Variants in ATP11A observed in about 807,000 individuals in gnomAD.
ATP11A encodes the protein ATPase phospholipid transporting 11A, also known as phospholipid-transporting ATPase IH.
In ATP11A, 81 loss-of-function variants were observed where a neutral mutation model predicts 154.4. That is an observed-to-expected ratio of 0.52 (90% CI 0.44 to 0.63). The LOEUF (loss-of-function observed/expected upper bound fraction) is 0.63. Ranked by LOEUF, ATP11A falls within the 30% of genes least tolerant of loss-of-function variation. ATP11A has a pLI of 0.00. For synonymous variants in ATP11A, 623 were observed against 585.9 expected (o/e 1.06, Z -0.91); for missense variants, 1,316 against 1,474.3 (o/e 0.89, Z 1.76).
chr13:112,711,922 G>A (rs1887802988), intron 1 of ATP11A, among the ~76,000 whole-genome samples: 1 of 152,184 alleles, frequency 6.6e-6, no homozygotes. Context: ...ATAAGGAGCG[G>A]GTGGAGGGGA....
intron 8 of ATP11A, 42 bp from the exon 9 acceptor site, chr13:112,823,303 G>A (rs1566532756): frequency 1.3e-6 from 2 of 1,555,948 alleles, no homozygotes; most frequent in Non-Finnish European, 1.8e-6. Flanking sequence ...CTGCCCACTT[G>A]CCTTCGTGTC....
chr13:112,738,727 C>T (rs973065027), intron 1 of ATP11A, among the ~76,000 whole-genome samples: 2 of 151,760 alleles, frequency 1.3e-5, no homozygotes, highest in Non-Finnish European at 2.9e-5. Flanking sequence ...CGTCCCCCTC[C>T]TCCTCCCCCA....
At chr13:112,698,596 C>T (rs967729001) in intron 1 of ATP11A, among the ~76,000 whole-genome samples, 4 of 152,190 alleles carry the variant, frequency 2.6e-5, no homozygotes, top group South Asian at 4.2e-4. Context: ...GGCTGGGAGT[C>T]AAGAGATGGA....
chr13:112,761,150 G>A (rs1271864787), intron 1 of ATP11A, among the ~76,000 whole-genome samples: 1 of 152,092 alleles, frequency 6.6e-6, no homozygotes, highest in African/African-American at 2.4e-5. Flanking sequence ...TATCAGATCC[G>A]TGGTCCAGGG....
chr13:112,805,330 G>C (rs1191999370), intron 3 of ATP11A, among the ~76,000 whole-genome samples: 1 of 152,130 alleles, frequency 6.6e-6, no homozygotes, highest in South Asian at 2.1e-4. Context: ...TCATCATTTG[G>C]ACAAGTTCAC....
Position 112,859,602 on chromosome 13 carries a change from A to C in ATP11A, c.2727+150A>C. The C allele has an allele frequency of 1.9e-6, 1 of 514,342 alleles. No homozygotes were observed. The allele number at this position is 514,342 out of a possible 1,614,324, so 31.9% of individuals were successfully genotyped here. ...GGTGCCCAGCAGCAGGCGGGGGTGA[A>C]GGGTCGGGCCTGGGGAGGGGGGCCA... On this transcript the variant is annotated intron_variant, in intron 23 of 29. Coordinates refer to ENST00000375645, the MANE Select transcript of ATP11A (RefSeq NM_015205.3). This position sits in a 1 kb window ranked among gnomAD's most constrained non-coding sequence, Gnocchi z 4.3.
intron 1 of ATP11A, among the ~76,000 whole-genome samples, chr13:112,784,526 CTTTT>C (rs535110994): frequency 7.1e-6 from 1 of 140,804 alleles, no homozygotes; most frequent in Admixed American, 7.2e-5. Flanking sequence ...ACGTTCTGTT[CTTTT>C]TTTTTTTTTT....
intron 28 of ATP11A, 142 bp from the exon 29 acceptor site, chr13:112,878,075 G>A (rs1485843265): frequency 2.7e-6 from 2 of 754,422 alleles, no homozygotes; most frequent in African/African-American, 1.7e-5. Context: ...ACTTGCACGT[G>A]GTGGCGAGCC....
At chr13:112,791,254 C>T (rs2077846816) in intron 2 of ATP11A, among the ~76,000 whole-genome samples, 2 of 152,368 alleles carry the variant, frequency 1.3e-5, no homozygotes. Flanking sequence ...GGCAGGATTC[C>T]AGGATATGGG....
chr13:112,790,397 C>T (rs1040330653), intron 2 of ATP11A, among the ~76,000 whole-genome samples: 6 of 151,598 alleles, frequency 4.0e-5, no homozygotes, highest in African/African-American at 1.2e-4. Flanking sequence ...TAATTCACAC[C>T]GGGTGTCCTG....
intron 25 of ATP11A, among the ~76,000 whole-genome samples, chr13:112,865,451 C>T (rs560341015): frequency 6.6e-5 from 10 of 152,378 alleles, no homozygotes; most frequent in African/African-American, 2.4e-4. Flanking sequence ...CAGCGGGGTC[C>T]ATCACCACAT....
At chr13:112,853,397 T>A (rs1336242315) in intron 18 of ATP11A, among the ~76,000 whole-genome samples, 1 of 152,214 alleles carries the variant, frequency 6.6e-6, no homozygotes, top group Non-Finnish European at 1.5e-5. Context: ...GCTAGGAAGT[T>A]CTTCCCAAAA....
chr13:112,691,483 G>GTGTGTGT (rs111354648), intron 1 of ATP11A, among the ~76,000 whole-genome samples: 87 of 125,142 alleles, frequency 7.0e-4, no homozygotes, highest in Non-Finnish European at 1.1e-3. Flanking sequence ...AAAAAAAAAG[G>GTGTGTGT]GTGTGTGTGT....
Position 112,828,990 on chromosome 13 carries a change from C to T in ATP11A, c.1221+2099C>T, listed in dbSNP as rs74338221. 3.1e-3 allele frequency among the ~76,000 whole-genome samples: 479 copies of T among 152,358 alleles called. 1 individual carries two copies. Among genetic ancestry groups the T allele is most frequent in the Non-Finnish European group, 5.5e-3 (377 of 68,034 alleles). On this transcript the variant is annotated intron_variant, in intron 12 of 29. Transcript: ENST00000375645. Reference sequence around the variant, plus strand: ...TGGAGATCCTGTGCCAGAAGCACTTCGTGCACCTTCTCTGTGTCCTGTGCA... The same window carrying T: ...TGGAGATCCTGTGCCAGAAGCACTTTGTGCACCTTCTCTGTGTCCTGTGCA...
At chr13:112,814,293 C>T (rs1257179829) in intron 5 of ATP11A, among the ~76,000 whole-genome samples, 3 of 151,846 alleles carry the variant, frequency 2.0e-5, no homozygotes, top group Admixed American at 6.5e-5. Context: ...GAACTGCTGG[C>T]GTCAAGTGAT....
At position 112,886,242 on chromosome 13, in the gene ATP11A, G is replaced by C. The variant is rs2140466079; in HGVS notation, c.*4376G>C. The stretch of plus-strand genomic sequence containing the variant: ...GGTGACCATCCGCTCGGCTTGCTGA[G>C]CGTTTAAACAAATGTTTAGACAGGC... On this transcript the variant is annotated 3_prime_UTR_variant, in exon 30 of 30. Transcript: ENST00000375645. 1 of 152,108 alleles carries C rather than the reference G, an allele frequency of 6.6e-6. No homozygotes were observed. The highest frequency in any genetic ancestry group is 2.1e-4 in the South Asian group (1 of 4,818). The allele number at this position is 152,108 out of a possible 1,614,324, so 9.4% of individuals were successfully genotyped here.
chr13:112,727,497 C>T (rs905580290), intron 1 of ATP11A, among the ~76,000 whole-genome samples: 3 of 151,998 alleles, frequency 2.0e-5, no homozygotes, highest in African/African-American at 7.3e-5. Flanking sequence ...AAGAATTGGT[C>T]TTTTCCTGGT....
intron 1 of ATP11A, among the ~76,000 whole-genome samples, chr13:112,778,660 G>T (rs1306413629): frequency 1.3e-5 from 2 of 150,276 alleles, no homozygotes; most frequent in East Asian, 3.9e-4. Flanking sequence ...GTAGCCGCTG[G>T]AGTGAGGAGT....
At chr13:112,727,703 G>A (rs1239292310) in intron 1 of ATP11A, among the ~76,000 whole-genome samples, 3 of 152,216 alleles carry the variant, frequency 2.0e-5, no homozygotes, top group African/African-American at 7.2e-5. Flanking sequence ...GTCCCTGCCC[G>A]TTTTCTTGAG....
Sources: allele counts gnomAD v4.1 joint callset (sites outside exome capture counted in the v4.1 genomes callset), GRCh38; gene constraint gnomAD v4.1.1; non-coding constraint Gnocchi (gnomAD v3.1); transcripts MANE v1.5; gene names NCBI Gene and HGNC (gene_info 2026-07-23, HGNC 2026-07-21).